Variants in ADCY10 observed in about 807,000 individuals in gnomAD.
The protein encoded by ADCY10 is adenylate cyclase 10, also known as adenylate cyclase type 10.
ADCY10 carries 156 observed loss-of-function variants against 183.3 expected under a neutral mutation model. The observed-to-expected ratio is 0.85, with a 90% CI of 0.75 to 0.97. The LOEUF is 0.97. Ranked by LOEUF, ADCY10 falls within the 50% of genes least tolerant of loss-of-function variation. The pLI, the probability that ADCY10 is intolerant of heterozygous loss-of-function variation, is 0.00. For missense variants in ADCY10, 1,745 were observed against 1,934.3 expected (o/e 0.90, Z 1.84); for synonymous variants, 645 against 670.0 (o/e 0.96, Z 0.58).
intron 30 of ADCY10, chr1:167,820,187 G>A (rs1318972065): frequency 3.3e-6 from 5 of 1,536,660 alleles, no homozygotes; most frequent in Non-Finnish European, 3.5e-6. Context: ...CGCGGCGGCC[G>A]CAGCTCCCGA....
At chr1:167,840,365 C>CTTTTTTT (rs79715982) in intron 21 of ADCY10, among the ~76,000 whole-genome samples, 3 of 56,360 alleles carry the variant, frequency 5.3e-5, no homozygotes, top group Non-Finnish European at 9.3e-5. Context: ...ATTATTATTA[C>CTTTTTTT]TATTTTTTTT....
chr1:167,867,460 G>A (rs1558208710), intron 14 of ADCY10, among the ~76,000 whole-genome samples: 1 of 152,160 alleles, frequency 6.6e-6, no homozygotes, highest in Non-Finnish European at 1.5e-5. Context: ...TAGGACAAAA[G>A]ATTGCTACAG....
intron 14 of ADCY10, among the ~76,000 whole-genome samples, chr1:167,863,225 A>C (rs1666413829): frequency 6.6e-6 from 1 of 152,162 alleles, no homozygotes; most frequent in Admixed American, 6.5e-5. Flanking sequence ...TAAGCTCGGT[A>C]GTTAAAATTC....
intron 21 of ADCY10, among the ~76,000 whole-genome samples, chr1:167,838,088 C>T (rs1664358258): frequency 6.6e-6 from 1 of 152,204 alleles, no homozygotes. Context: ...GGTTTTCTGG[C>T]TCCCAGGCTA....
chr1:167,907,932 C>A (rs1571475281), intron 1 of ADCY10, among the ~76,000 whole-genome samples: 1 of 152,124 alleles, frequency 6.6e-6, no homozygotes, highest in African/African-American at 2.4e-5. Flanking sequence ...CAGAGGTAAG[C>A]CTCCATGGGC....
intron 19 of ADCY10, among the ~76,000 whole-genome samples, chr1:167,846,913 C>T (rs137995242): frequency 3.9e-5 from 6 of 152,012 alleles, no homozygotes; most frequent in African/African-American, 1.4e-4. Flanking sequence ...ACAGTAGAAA[C>T]TAAGCTAGTC....
In ADCY10 at chr1:167,856,244, C is replaced by T. The variant is rs1475356373; in HGVS notation, c.2092G>A (p.Gly698Ser). Residue 698 changes from glycine to serine, a missense_variant, in exon 17 of 33, where the codon GGT becomes AGT. By Grantham distance (56) the Gly-to-Ser change is moderately conservative (BLOSUM62 0). Coordinates refer to ENST00000367851, the MANE Select transcript of ADCY10 (RefSeq NM_018417.6). ...GAGATGTCGTTAGGCTGTACTGCACCAATGACAATGTAGGTGGTGTTCCTG... is the reference window on the plus strand; with the variant it reads ...GAGATGTCGTTAGGCTGTACTGCACTAATGACAATGTAGGTGGTGTTCCTG... ...KNRNTTYIVI[G>S]AVQPNDISNK... The T allele has an allele frequency of 2.5e-6, 4 of 1,613,804 alleles. No homozygotes were observed. Among genetic ancestry groups the T allele is most frequent in the Middle Eastern group, 1.7e-4 (1 of 6,056 alleles).
chr1:167,908,849 A>G (rs1669972350), intron 1 of ADCY10, among the ~76,000 whole-genome samples: 1 of 152,258 alleles, frequency 6.6e-6, no homozygotes, highest in Non-Finnish European at 1.5e-5. Context: ...AATCAAATGC[A>G]TAAGCACGAG....
chr1:167,862,657 A>T (rs1666366871), intron 14 of ADCY10, among the ~76,000 whole-genome samples: 3 of 152,258 alleles, frequency 2.0e-5, no homozygotes, highest in Admixed American at 2.0e-4. Context: ...GTAGGAATTC[A>T]ATTAATGATT....
At position 167,810,879 on chromosome 1, in the gene ADCY10, C is replaced by G; in HGVS notation, c.4517G>C (p.Gly1506Ala). Residue 1506 changes from glycine (G) to alanine (A), a missense_variant, in exon 32 of 33, where the codon GGC becomes GCC. Physicochemically the swap from Gly to Ala is moderately conservative, Grantham distance 60. Coordinates refer to ENST00000367851, the MANE Select transcript of ADCY10 (RefSeq NM_018417.6). The part of the protein sequence containing the change: ...LENLVAQNTT[G>A]PVFCPRLYHL... ...GTAGAGCCTTGGGCAAAAGACAGGGCCAGTGGTATTTTGAGCCACCAGATT... is the reference window on the plus strand; with the variant it reads ...GTAGAGCCTTGGGCAAAAGACAGGGGCAGTGGTATTTTGAGCCACCAGATT... 6.2e-7 allele frequency: 1 copy of G among 1,614,092 alleles called. No homozygotes were observed. The highest frequency in any genetic ancestry group is 1.1e-5 in the South Asian group (1 of 91,074).
intron 8 of ADCY10, among the ~76,000 whole-genome samples, chr1:167,889,596 G>A (rs112576324): frequency 0.012 from 1,796 of 152,232 alleles, 32 homozygotes; most frequent in African/African-American, 0.033. Flanking sequence ...TGTAGAATGA[G>A]TTTGGAAGTA....
At chr1:167,873,197 T>C (rs138549700) in intron 13 of ADCY10, among the ~76,000 whole-genome samples, 77 of 152,210 alleles carry the variant, frequency 5.1e-4, no homozygotes, top group African/African-American at 1.6e-3. Flanking sequence ...TATCCTAGGA[T>C]GAAAAGTAAG....
At position 167,820,407 on chromosome 1, in the gene ADCY10, C is replaced by A. The variant is rs556423976; in HGVS notation, c.4286+1617G>T. On this transcript the variant is annotated intron_variant, in intron 30 of 32. Transcript: ENST00000367851. ...CCTGGCTCAGCACCCCGAGAGCTGG[C>A]CGACTGCCCTCCAGGTGATTTTTAT... The A allele has an allele frequency of 1.3e-3, 696 of 527,226 alleles. 1 individual carries two copies. The highest frequency in any genetic ancestry group is 1.8e-3 in the Non-Finnish European group (539 of 304,178). The allele number at this position is 527,226 out of a possible 1,614,324, so 32.7% of individuals were successfully genotyped here. A position where few individuals can be genotyped will look rare whatever the true frequency, so the allele number is the denominator to read the frequency against.
intron 30 of ADCY10, among the ~76,000 whole-genome samples, chr1:167,818,603 T>C (rs574647957): frequency 1.3e-5 from 2 of 152,280 alleles, no homozygotes; most frequent in South Asian, 4.1e-4. Context: ...AATGGCACAA[T>C]CTTGGCTTAC....
At chr1:167,879,293 T>G (rs203844) in intron 11 of ADCY10, among the ~76,000 whole-genome samples, 16,865 of 152,224 alleles carry the variant, frequency 0.11, 2,952 homozygotes, top group African/African-American at 0.37. Context: ...GAAGATTAAT[T>G]AGTTAATACA....
intron 1 of ADCY10, among the ~76,000 whole-genome samples, chr1:167,909,707 T>C (rs1670032024): frequency 6.6e-6 from 1 of 152,202 alleles, no homozygotes; most frequent in East Asian, 1.9e-4. Context: ...CTTTCCAAAG[T>C]GATGGTACCA....
At chr1:167,864,904 A>AG (rs1009453192) in intron 14 of ADCY10, among the ~76,000 whole-genome samples, 8 of 151,926 alleles carry the variant, frequency 5.3e-5, no homozygotes, top group African/African-American at 1.7e-4. Flanking sequence ...GGAAAAAAAA[A>AG]AAAAAAGAGC....
At chr1:167,910,789 A>G (rs1670100424) in intron 1 of ADCY10, among the ~76,000 whole-genome samples, 1 of 152,186 alleles carries the variant, frequency 6.6e-6, no homozygotes, top group South Asian at 2.1e-4. Flanking sequence ...GCGTAGCTCT[A>G]TTCTTCCCTC....
intron 26 of ADCY10, among the ~76,000 whole-genome samples, chr1:167,826,478 G>A (rs1018919739): frequency 1.3e-5 from 2 of 152,166 alleles, no homozygotes; most frequent in Non-Finnish European, 2.9e-5. Context: ...GCACTGAGGG[G>A]AGCGCTTCTT....
Sources: gnomAD v4.1 joint callset for allele counts (sites outside exome capture counted in the v4.1 genomes callset) on GRCh38, gnomAD v4.1.1 for gene constraint, MANE v1.5 for transcripts, NCBI Gene and HGNC (gene_info 2026-07-23, HGNC 2026-07-21) for gene names.